The following ENTREP2 variants were observed in gnomAD, a reference collection of about 807,000 sequenced individuals.
The protein encoded by ENTREP2 is protein ENTREP2.
At chr15:29,515,716 G>A in the ENTREP2 span, among the ~76,000 whole-genome samples, 5 of 152,160 alleles carry the variant, frequency 3.3e-5, no homozygotes, top group Non-Finnish European at 7.4e-5. Flanking sequence ...GCTGTTAAAT[G>A]TGTGGTCATT....
the ENTREP2 span, among the ~76,000 whole-genome samples, chr15:29,344,931 GACACACACACACACAC>G: frequency 8.4e-5 from 12 of 142,604 alleles, no homozygotes; most frequent in South Asian, 9.4e-4. Context: ...CACGCGCGCA[GACACACACACACACAC>G]ACACACACAC....
chr15:29,424,842 C>T, the ENTREP2 span, among the ~76,000 whole-genome samples: 1 of 152,174 alleles, frequency 6.6e-6, no homozygotes, highest in African/African-American at 2.4e-5. Flanking sequence ...ACTGCAGGCA[C>T]AAGACCAGCA....
chr15:29,546,298 A>G, the ENTREP2 span, among the ~76,000 whole-genome samples: 1 of 152,230 alleles, frequency 6.6e-6, no homozygotes, highest in Non-Finnish European at 1.5e-5. Context: ...ACATCTGCAG[A>G]CCCTGAGAAC....
At chr15:29,482,211 T>C in the ENTREP2 span, among the ~76,000 whole-genome samples, 24 of 146,430 alleles carry the variant, frequency 1.6e-4, no homozygotes, top group African/African-American at 6.0e-4. Flanking sequence ...GATTTCACCA[T>C]GTTGGCCAGG....
At chr15:29,490,389 A>G in the ENTREP2 span, among the ~76,000 whole-genome samples, 29 of 151,218 alleles carry the variant, frequency 1.9e-4, no homozygotes, top group East Asian at 1.9e-4. Context: ...CCTCCACAAC[A>G]TGGAAGAGAA....
the ENTREP2 span, among the ~76,000 whole-genome samples, chr15:29,216,484 T>C: frequency 6.6e-6 from 1 of 152,326 alleles, no homozygotes; most frequent in South Asian, 2.1e-4. Flanking sequence ...AGGTGTTCTT[T>C]GTGTTTCTTG....
At chr15:29,529,583 G>C in the ENTREP2 span, among the ~76,000 whole-genome samples, 2 of 151,936 alleles carry the variant, frequency 1.3e-5, no homozygotes, top group Non-Finnish European at 2.9e-5. Flanking sequence ...ACTCACAGGT[G>C]AGCCATTACC....
At chr15:29,311,270 T>C in the ENTREP2 span, among the ~76,000 whole-genome samples, 1 of 152,358 alleles carries the variant, frequency 6.6e-6, no homozygotes. Flanking sequence ...TCTGAATTTA[T>C]GACCACATAA....
the ENTREP2 span, among the ~76,000 whole-genome samples, chr15:29,423,966 G>A: frequency 2.0e-5 from 3 of 152,132 alleles, no homozygotes; most frequent in Admixed American, 6.5e-5. Flanking sequence ...ATTCTTCCCC[G>A]TGGGTTCTTG....
At chr15:29,161,292 G>A in the ENTREP2 span, among the ~76,000 whole-genome samples, 1 of 152,158 alleles carries the variant, frequency 6.6e-6, no homozygotes, top group Non-Finnish European at 1.5e-5. Context: ...GATTCCCCAA[G>A]CTCAGTGTTT....
chr15:29,446,540 G>A, the ENTREP2 span, among the ~76,000 whole-genome samples: 3 of 152,334 alleles, frequency 2.0e-5, no homozygotes, highest in South Asian at 6.2e-4. Context: ...CAGCAGAAAG[G>A]AGGAGGAGCC....
the ENTREP2 span, among the ~76,000 whole-genome samples, chr15:29,504,525 G>T: frequency 4.6e-5 from 7 of 152,322 alleles, no homozygotes; most frequent in Non-Finnish European, 7.4e-5. Flanking sequence ...AAAAGGACAC[G>T]AGAGACTGTA....
the ENTREP2 span, among the ~76,000 whole-genome samples, chr15:29,488,676 A>G: frequency 1.3e-5 from 2 of 152,196 alleles, no homozygotes; most frequent in Non-Finnish European, 2.9e-5. Flanking sequence ...TCAGCGAGAG[A>G]GGAGCCACTG....
the ENTREP2 span, among the ~76,000 whole-genome samples, chr15:29,630,527 T>C: frequency 1.3e-5 from 2 of 152,208 alleles, no homozygotes; most frequent in African/African-American, 4.8e-5. Context: ...TGCACCAAAG[T>C]TGGGGAATTT....
the ENTREP2 span, among the ~76,000 whole-genome samples, chr15:29,186,349 C>T: frequency 6.6e-6 from 1 of 152,200 alleles, no homozygotes; most frequent in African/African-American, 2.4e-5. Flanking sequence ...TATGGCATAG[C>T]CATCTGGGTC....
chr15:29,562,370 A>G, the ENTREP2 span, among the ~76,000 whole-genome samples: 1 of 152,350 alleles, frequency 6.6e-6, no homozygotes, highest in Non-Finnish European at 1.5e-5. Context: ...GAGTGGTGAG[A>G]ATATACACTG....
chr15:29,445,654 T>C, the ENTREP2 span, among the ~76,000 whole-genome samples: 1 of 152,324 alleles, frequency 6.6e-6, no homozygotes, highest in African/African-American at 2.4e-5. Context: ...TGGCTGTTCA[T>C]CTGTATCCTT....
At chr15:29,347,621 CAAG>C in the ENTREP2 span, among the ~76,000 whole-genome samples, 1 of 152,064 alleles carries the variant, frequency 6.6e-6, no homozygotes, top group Non-Finnish European at 1.5e-5. Context: ...TGTCCTACTA[CAAG>C]AAAATAGTTT....
chr15:29,615,936 C>T, the ENTREP2 span, among the ~76,000 whole-genome samples: 1 of 152,166 alleles, frequency 6.6e-6, no homozygotes, highest in Non-Finnish European at 1.5e-5. Flanking sequence ...TGTGGGCACT[C>T]CTGAGAGAGG....
Sources: gnomAD v4.1 joint callset for allele counts (sites outside exome capture counted in the v4.1 genomes callset) on GRCh38, gnomAD v4.1.1 for gene constraint, MANE v1.5 for transcripts, NCBI Gene and HGNC (gene_info 2026-07-23, HGNC 2026-07-21) for gene names.